Variants in LARS2 observed in about 807,000 individuals in gnomAD.
The protein encoded by LARS2 is leucyl-tRNA synthetase 2, mitochondrial.
A neutral mutation model predicts 116.6 loss-of-function variants in LARS2; 81 were observed. The ratio of observed to expected loss-of-function variants is 0.69; its 90% CI spans 0.58 to 0.84. The LOEUF (loss-of-function observed/expected upper bound fraction) is 0.84. LARS2 is among the 40% of genes least tolerant of loss of function. The pLI is 0.00. For missense variants in LARS2, 968 were observed against 1,114.5 expected (o/e 0.87, Z 1.87); for synonymous variants, 396 against 407.2 (o/e 0.97, Z 0.33).
At chr3:45,516,417 A>G (rs1323501997) in intron 17 of LARS2, 141 bp downstream of exon 17, 1 of 742,126 alleles carries the variant, frequency 1.3e-6, no homozygotes, top group Admixed American at 2.6e-5. Flanking sequence ...TAGCAGCTTG[A>G]CCAGCATCCT....
At chr3:45,426,728 C>T (rs1054357326) in intron 6 of LARS2, among the ~76,000 whole-genome samples, 1 of 152,136 alleles carries the variant, frequency 6.6e-6, no homozygotes, top group African/African-American at 2.4e-5. Context: ...ATCGCTTCAG[C>T]CAGGACAGTA....
intron 6 of LARS2, among the ~76,000 whole-genome samples, chr3:45,431,899 A>G (rs1185608744): frequency 6.6e-6 from 1 of 152,210 alleles, no homozygotes; most frequent in Admixed American, 6.5e-5. Flanking sequence ...AGCATGATCC[A>G]TCTATATGCT....
chr3:45,501,571 A>T (rs377467094), intron 15 of LARS2, among the ~76,000 whole-genome samples: 2 of 152,312 alleles, frequency 1.3e-5, no homozygotes, highest in African/African-American at 4.8e-5. Context: ...AACTCAGTTT[A>T]TGTATCATAC....
At chr3:45,476,408 G>A in intron 9 of LARS2, 60 bp from the exon 10 acceptor site, 2 of 1,565,646 alleles carry the variant, frequency 1.3e-6, no homozygotes, top group Non-Finnish European at 8.8e-7. Context: ...TACAGTTAGG[G>A]AGCAACACAG....
intron 4 of LARS2, among the ~76,000 whole-genome samples, chr3:45,406,063 A>G (rs1274581666): frequency 6.6e-6 from 1 of 152,178 alleles, no homozygotes; most frequent in African/African-American, 2.4e-5. Context: ...GTTGACCCAG[A>G]ATATTCTTAT....
At chr3:45,482,520 G>T (rs1310873063) in intron 10 of LARS2, among the ~76,000 whole-genome samples, 1 of 152,166 alleles carries the variant, frequency 6.6e-6, no homozygotes, top group Non-Finnish European at 1.5e-5. Context: ...AAACATTAGT[G>T]TCACCTTGCT....
At position 45,547,552 on chromosome 3, in the gene LARS2, C is replaced by T. The variant is rs375905279; in HGVS notation, c.*22C>T. 4 of 1,582,238 alleles carry T rather than the reference C, an allele frequency of 2.5e-6. No homozygotes were observed. The African/African-American group carries it at 5.5e-5, about 22-fold the overall frequency. Reference sequence around the variant, plus strand: ...TTGACAGCCAGGAGGCTGCAGCTACCACGAGGGCCTCTGAGGAACCTCCTT... The same window carrying T: ...TTGACAGCCAGGAGGCTGCAGCTACTACGAGGGCCTCTGAGGAACCTCCTT... On this transcript the variant is annotated 3_prime_UTR_variant, in exon 22 of 22. Transcript: ENST00000645846.
rs1361271877 is a variant in LARS2 at position 45,547,606 on chromosome 3, G to A, written c.*76G>A. On this transcript the variant is annotated 3_prime_UTR_variant, in exon 22 of 22. Transcript: ENST00000645846. ...GGCCTGGGATGAGGGGGCGATGTCT[G>A]CTGGCCCAGGGGAAGGGAAAAGACA... is the stretch of plus-strand genomic sequence containing the variant. 3.0e-6 allele frequency: 4 copies of A among 1,330,928 alleles called. No homozygotes were observed. The South Asian group carries it at 4.1e-5, about 14-fold the overall frequency. The allele number at this position is 1,330,928 out of a possible 1,614,324, so 82.4% of individuals were successfully genotyped here. A position where few individuals can be genotyped will look rare whatever the true frequency, so the allele number is the denominator to read the frequency against.
chr3:45,419,914 T>C (rs1698488985), intron 6 of LARS2, among the ~76,000 whole-genome samples, 185 bp downstream of exon 6: 2 of 152,226 alleles, frequency 1.3e-5, no homozygotes, highest in African/African-American at 4.8e-5. Context: ...TAATTTTCTG[T>C]GGGATTAAAC....
At chr3:45,484,630 A>AAATATAT (rs1553634443) in intron 10 of LARS2, among the ~76,000 whole-genome samples, 4 of 9,746 alleles carry the variant, frequency 4.1e-4, no homozygotes, top group African/African-American at 5.3e-4. Flanking sequence ...AAAAAAAAAA[A>AAATATAT]ATATATATAT....
intron 6 of LARS2, among the ~76,000 whole-genome samples, chr3:45,424,366 A>G (rs2125690603): frequency 6.6e-6 from 1 of 152,380 alleles, no homozygotes; most frequent in South Asian, 2.1e-4. Flanking sequence ...CCTATTCTGT[A>G]ATAATAGTGA....
chr3:45,488,586 TA>T (rs1417610727), intron 11 of LARS2, 110 bp from the exon 12 acceptor site: 8 of 688,484 alleles, frequency 1.2e-5, no homozygotes, highest in Non-Finnish European at 2.1e-5. Flanking sequence ...CTTCTATAAC[TA>T]AAAGAGATAG....
intron 12 of LARS2, among the ~76,000 whole-genome samples, chr3:45,490,366 A>G (rs1229434605): frequency 1.3e-5 from 2 of 152,202 alleles, no homozygotes; most frequent in Admixed American, 1.3e-4. Context: ...CTTCTTTCAC[A>G]CAGCTTCAGA....
intron 10 of LARS2, among the ~76,000 whole-genome samples, chr3:45,484,630 A>AAAAATATATATATATATATATATATATAT (rs1553634443): frequency 1.0e-4 from 1 of 9,744 alleles, no homozygotes; most frequent in African/African-American, 1.8e-4. Context: ...AAAAAAAAAA[A>AAAAATATATATATATATATATATATATAT]ATATATATAT....
chr3:45,443,701 C>T (rs1421694337), intron 6 of LARS2, among the ~76,000 whole-genome samples: 1 of 152,084 alleles, frequency 6.6e-6, no homozygotes, highest in Non-Finnish European at 1.5e-5. Flanking sequence ...GTGAATATGC[C>T]TGGAAATGAA....
intron 17 of LARS2, 147 bp downstream of exon 17, chr3:45,516,423 A>ATCC (rs1700370586): frequency 1.4e-6 from 1 of 705,870 alleles, no homozygotes; most frequent in Non-Finnish European, 2.4e-6. Flanking sequence ...CTTGACCAGC[A>ATCC]TCCTGCACCA....
chr3:45,541,697 C>G, intron 20 of LARS2, 132 bp from the exon 21 acceptor site: 1 of 1,151,606 alleles, frequency 8.7e-7, no homozygotes, highest in Admixed American at 2.5e-5. Flanking sequence ...ACCCAGCAGC[C>G]ATGGTCTGGC....
chr3:45,453,087 G>T (rs964611784), intron 7 of LARS2, among the ~76,000 whole-genome samples: 1 of 151,980 alleles, frequency 6.6e-6, no homozygotes, highest in African/African-American at 2.4e-5. Flanking sequence ...TGTTGATTTT[G>T]TGTGAATTTT....
intron 20 of LARS2, among the ~76,000 whole-genome samples, chr3:45,531,183 C>T (rs1700608919): frequency 6.6e-6 from 1 of 151,726 alleles, no homozygotes; most frequent in Non-Finnish European, 1.5e-5. Flanking sequence ...TTAATGTTGT[C>T]AAATAAAGGT....
Sources: gnomAD v4.1 joint callset for allele counts (sites outside exome capture counted in the v4.1 genomes callset) on GRCh38, gnomAD v4.1.1 for gene constraint, MANE v1.5 for transcripts, NCBI Gene and HGNC (gene_info 2026-07-23, HGNC 2026-07-21) for gene names.